SLC39A11: variants seen among roughly 807,000 people sequenced by gnomAD.
SLC39A11 encodes solute carrier family 39 member 11.
SLC39A11 carries 33 observed loss-of-function variants against 36.1 expected under a neutral mutation model. The ratio of observed to expected loss-of-function variants is 0.91; its 90% CI spans 0.69 to 1.22. The LOEUF is 1.22. SLC39A11 is among the 50% of genes most tolerant of loss of function. SLC39A11 has a pLI of 0.00. For missense variants in SLC39A11, 432 were observed against 430.3 expected (o/e 1.00, Z -0.03); for synonymous variants, 166 against 170.3 (o/e 0.97, Z 0.20).
At chr17:72,899,305 C>T (rs909337019) in intron 5 of SLC39A11, among the ~76,000 whole-genome samples, 3 of 146,126 alleles carry the variant, frequency 2.1e-5, no homozygotes, top group Admixed American at 2.0e-4. Flanking sequence ...AAAAAAGGCC[C>T]TAAGGAGTCC....
chr17:73,069,815 T>A (rs983601061), intron 3 of SLC39A11, among the ~76,000 whole-genome samples: 11 of 152,154 alleles, frequency 7.2e-5, no homozygotes, highest in Non-Finnish European at 1.3e-4. Context: ...ATAAGAAAAA[T>A]GATGTCAGCT....
chr17:72,955,298 C>CTTTTTTTTTTTTTTTTTTT lies in SLC39A11; in HGVS notation c.307-7442_307-7424dup, dbSNP rs71359751. 2.9e-4 allele frequency among the ~76,000 whole-genome samples: 19 copies of CTTTTTTTTTTTTTTTTTTT among 65,574 alleles called. 1 individual carries two copies. The highest frequency in any genetic ancestry group is 3.1e-4 in the Non-Finnish European group (12 of 38,258). The allele number at this position is 65,574 out of a possible 152,430, so 43.0% of individuals were successfully genotyped here. Reference sequence around the variant, plus strand: ...GAATAGGCTTTAACTTTTCAGTTCTCTTTTTTTTTTTTTTTTTTTTGTTTG... The same window carrying CTTTTTTTTTTTTTTTTTTT: ...GAATAGGCTTTAACTTTTCAGTTCTCTTTTTTTTTTTTTTTTTTTTTTTTTTTTTTTTTTTTTTTGTTTG... On this transcript the variant is annotated intron_variant, in intron 4 of 9. Transcript: ENST00000255559.
At chr17:72,909,805 G>A (rs1368091942) in intron 5 of SLC39A11, among the ~76,000 whole-genome samples, 2 of 150,486 alleles carry the variant, frequency 1.3e-5, no homozygotes, top group African/African-American at 4.9e-5. Flanking sequence ...GAGTGCAGTG[G>A]CGTGATCTCG....
intron 4 of SLC39A11, among the ~76,000 whole-genome samples, chr17:72,976,262 C>T (rs867049880): frequency 2.0e-5 from 3 of 150,802 alleles, no homozygotes; most frequent in Non-Finnish European, 4.4e-5. Context: ...ATTATTTTAA[C>T]CTCTCAGCTC....
chr17:72,937,712 G>C (rs911672489), intron 5 of SLC39A11, among the ~76,000 whole-genome samples: 1 of 152,134 alleles, frequency 6.6e-6, no homozygotes, highest in South Asian at 2.1e-4. Flanking sequence ...CGTGTCTCCT[G>C]GTTTTATGTG....
chr17:72,769,540 CT>C (rs527616290), intron 6 of SLC39A11, among the ~76,000 whole-genome samples: 230 of 146,934 alleles, frequency 1.6e-3, no homozygotes, highest in Middle Eastern at 3.5e-3. Flanking sequence ...ATAGATGCAT[CT>C]TTTTTTTTTT....
chr17:73,072,903 G>A (rs2060205968), intron 3 of SLC39A11, among the ~76,000 whole-genome samples: 1 of 152,238 alleles, frequency 6.6e-6, no homozygotes, highest in Non-Finnish European at 1.5e-5. Context: ...ATGCTGGCTG[G>A]GCGCAGTGGC....
intron 7 of SLC39A11, among the ~76,000 whole-genome samples, chr17:72,691,545 C>T (rs1238004620): frequency 6.6e-6 from 1 of 152,162 alleles, no homozygotes; most frequent in Non-Finnish European, 1.5e-5. Context: ...TCGCTGTTTC[C>T]ACTAACAGTT....
chr17:73,013,692 AT>A (rs71154944), intron 4 of SLC39A11, among the ~76,000 whole-genome samples: 105,245 of 150,506 alleles, frequency 0.7, 40,548 homozygotes, highest in Non-Finnish European at 0.87. Flanking sequence ...AGGTTTTGTG[AT>A]TTTTTTTTTT....
chr17:72,842,437 T>G (rs1483848639), intron 6 of SLC39A11, among the ~76,000 whole-genome samples: 3 of 152,206 alleles, frequency 2.0e-5, no homozygotes, highest in Admixed American at 6.5e-5. Flanking sequence ...TAGAATCTCT[T>G]TAAGCTTCCA....
intron 4 of SLC39A11, among the ~76,000 whole-genome samples, chr17:73,011,236 CGCAGAGGCG>C (rs1657850301): frequency 6.6e-6 from 1 of 152,132 alleles, no homozygotes; most frequent in Admixed American, 6.5e-5. Context: ...GGCAAAACAC[CGCAGAGGCG>C]GTGCCCCAGG....
chr17:72,715,519 T>G (rs1297459365), intron 7 of SLC39A11, among the ~76,000 whole-genome samples: 1 of 152,146 alleles, frequency 6.6e-6, no homozygotes, highest in Non-Finnish European at 1.5e-5. Context: ...GAGGACATTA[T>G]GCTAAGTGAA....
intron 6 of SLC39A11, among the ~76,000 whole-genome samples, chr17:72,792,117 G>GAA (rs893123362): frequency 1.3e-5 from 2 of 152,178 alleles, no homozygotes; most frequent in Admixed American, 6.5e-5. Context: ...TAAATAGTAT[G>GAA]AAAATAGTGT....
intron 4 of SLC39A11, among the ~76,000 whole-genome samples, chr17:73,020,300 A>G (rs1290170793): frequency 3.3e-5 from 5 of 152,222 alleles, no homozygotes; most frequent in African/African-American, 4.8e-5. Flanking sequence ...TCATAATAGG[A>G]TTAGTGTCCT....
At chr17:72,765,909 A>G (rs1213106134) in intron 6 of SLC39A11, among the ~76,000 whole-genome samples, 2 of 152,188 alleles carry the variant, frequency 1.3e-5, no homozygotes, top group Non-Finnish European at 2.9e-5. Context: ...GACAGCTCTC[A>G]GCATGGCCAG....
chr17:72,772,761 C>T (rs962691461), intron 6 of SLC39A11, among the ~76,000 whole-genome samples: 4 of 152,062 alleles, frequency 2.6e-5, no homozygotes, highest in Non-Finnish European at 5.9e-5. Flanking sequence ...AAGGAGGATC[C>T]AAAGATTAGA....
chr17:72,908,874 C>G (rs910636498), intron 5 of SLC39A11, among the ~76,000 whole-genome samples: 1 of 152,160 alleles, frequency 6.6e-6, no homozygotes, highest in Non-Finnish European at 1.5e-5. Flanking sequence ...AGAGAAGGTT[C>G]CAGATCTTAT....
At chr17:72,990,558 G>A (rs186546580) in intron 4 of SLC39A11, among the ~76,000 whole-genome samples, 3 of 152,244 alleles carry the variant, frequency 2.0e-5, no homozygotes, top group Non-Finnish European at 4.4e-5. Flanking sequence ...GCGAGGAGCT[G>A]GAGCTACAGG....
chr17:72,822,375 A>G (rs2077830520), intron 6 of SLC39A11, among the ~76,000 whole-genome samples: 1 of 149,576 alleles, frequency 6.7e-6, no homozygotes, highest in Admixed American at 6.7e-5. Flanking sequence ...AGGGAGAGAG[A>G]TCTATCTAAA....
Sources: allele counts gnomAD v4.1 joint callset (sites outside exome capture counted in the v4.1 genomes callset), GRCh38; gene constraint gnomAD v4.1.1; transcripts MANE v1.5; gene names NCBI Gene and HGNC (gene_info 2026-07-23, HGNC 2026-07-21).